The following ARSB variants were observed in gnomAD, a reference collection of about 807,000 sequenced individuals.
ARSB encodes N-acetylgalactosamine-4-sulfatase.
In ARSB, 41 loss-of-function variants were observed where a neutral mutation model predicts 50.9. The observed-to-expected ratio is 0.81, with a 90% CI of 0.63 to 1.04. ARSB has a LOEUF of 1.04. ARSB is among the 50% of genes least tolerant of loss of function. ARSB has a pLI of 0.00. For missense variants in ARSB, 672 were observed against 693.3 expected (o/e 0.97, Z 0.35); for synonymous variants, 269 against 284.8 (o/e 0.94, Z 0.56).
At chr5:78,826,052 T>TC (rs1010603921) in intron 6 of ARSB, among the ~76,000 whole-genome samples, 2 of 143,316 alleles carry the variant, frequency 1.4e-5, no homozygotes, top group Non-Finnish European at 3.1e-5. Context: ...CCTTTTTCTT[T>TC]CTTTTTTTTT....
chr5:78,867,099 G>A lies in ARSB; in HGVS notation c.1142+18485C>T, dbSNP rs552792811. ...CGGGTCACTCCCACCCGAATATTGCGCTTTTCAGACTGGCTTAAAAAACGG... is the reference window on the plus strand; with the variant it reads ...CGGGTCACTCCCACCCGAATATTGCACTTTTCAGACTGGCTTAAAAAACGG... On this transcript the variant is annotated intron_variant, in intron 5 of 7. Coordinates refer to ENST00000264914, the MANE Select transcript of ARSB (RefSeq NM_000046.5). 6.4e-4 allele frequency among the ~76,000 whole-genome samples: 97 copies of A among 152,238 alleles called. 1 individual carries two copies. The highest frequency in any genetic ancestry group is 3.7e-3 in the South Asian group (18 of 4,814).
At chr5:78,977,609 A>G (rs1018762907) in intron 1 of ARSB, among the ~76,000 whole-genome samples, 1 of 152,232 alleles carries the variant, frequency 6.6e-6, no homozygotes, top group Non-Finnish European at 1.5e-5. Flanking sequence ...TATCACACTT[A>G]ATGGTGATCG....
intron 6 of ARSB, among the ~76,000 whole-genome samples, chr5:78,797,974 CA>C (rs1743240823): frequency 6.6e-6 from 1 of 152,050 alleles, no homozygotes; most frequent in Non-Finnish European, 1.5e-5. Flanking sequence ...CCTCAGAAGC[CA>C]GGGGAAATAC....
chr5:78,852,096 T>C (rs541788448), intron 5 of ARSB, among the ~76,000 whole-genome samples: 1 of 152,358 alleles, frequency 6.6e-6, no homozygotes, highest in East Asian at 1.9e-4. Flanking sequence ...AATTTGATCT[T>C]GTCATTATGA....
intron 3 of ARSB, among the ~76,000 whole-genome samples, chr5:78,960,312 G>A (rs1327021759): frequency 6.6e-6 from 1 of 151,978 alleles, no homozygotes; most frequent in Non-Finnish European, 1.5e-5. Flanking sequence ...TTATTTCAGT[G>A]AGGAAGAAAG....
At chr5:78,934,921 T>G (rs1020338121) in intron 4 of ARSB, among the ~76,000 whole-genome samples, 1 of 152,104 alleles carries the variant, frequency 6.6e-6, no homozygotes, top group Non-Finnish European at 1.5e-5. Flanking sequence ...ACATGGCAAA[T>G]AGATTATATA....
chr5:78,946,497 G>A (rs188974467), intron 4 of ARSB, among the ~76,000 whole-genome samples: 4 of 152,204 alleles, frequency 2.6e-5, no homozygotes, highest in Admixed American at 2.6e-4. Context: ...AATCAAGAAA[G>A]TTATCCCTTT....
chr5:78,906,279 G>A (rs1292784933), intron 4 of ARSB, among the ~76,000 whole-genome samples: 2 of 152,142 alleles, frequency 1.3e-5, no homozygotes, highest in Non-Finnish European at 2.9e-5. Context: ...GCTGCAGTGA[G>A]CTATGGTTAC....
Position 78,781,938 on chromosome 5 carries a change from G to C in ARSB, c.1250C>G (p.Ser417Cys). Residue 417 changes from serine to cysteine, a missense_variant, in exon 7 of 8, where the codon TCT becomes TGT. By Grantham distance (112) the Ser-to-Cys change is moderately radical. Coordinates refer to ENST00000264914, the MANE Select transcript of ARSB (RefSeq NM_000046.5). ...RNSMAPAKDD[S>C]SLPEYSAFNT... is the part of the protein sequence containing the mutation. ...AAAGGCTGAATATTCTGGAAGAGAAGAGTCATCCTTTGCTGGAGCCATGCT... is the reference window on the plus strand; with the variant it reads ...AAAGGCTGAATATTCTGGAAGAGAACAGTCATCCTTTGCTGGAGCCATGCT... 4 of 1,614,104 alleles carry C rather than the reference G, an allele frequency of 2.5e-6. No homozygotes were observed. The highest frequency in any genetic ancestry group is 3.4e-6 in the Non-Finnish European group (4 of 1,179,962).
chr5:78,869,454 AC>A (rs1337962870), intron 5 of ARSB, among the ~76,000 whole-genome samples: 1 of 127,358 alleles, frequency 7.9e-6, no homozygotes, highest in African/African-American at 3.0e-5. Context: ...AGAAATTATA[AC>A]AAACTATCTC....
At chr5:78,951,706 C>A (rs1235146619) in intron 4 of ARSB, among the ~76,000 whole-genome samples, 1 of 152,122 alleles carries the variant, frequency 6.6e-6, no homozygotes, top group African/African-American at 2.4e-5. Context: ...AATTTCAAAA[C>A]ATTTTAAAGA....
At chr5:78,900,907 C>T (rs1452425518) in intron 4 of ARSB, among the ~76,000 whole-genome samples, 2 of 151,962 alleles carry the variant, frequency 1.3e-5, no homozygotes, top group East Asian at 1.9e-4. Flanking sequence ...GGCATGGTAG[C>T]GGGCGCCTGT....
At chr5:78,920,361 T>C (rs904573011) in intron 4 of ARSB, among the ~76,000 whole-genome samples, 3 of 152,144 alleles carry the variant, frequency 2.0e-5, no homozygotes, top group African/African-American at 7.2e-5. Context: ...CTGAGCAACA[T>C]AGCAAGACTG....
intron 5 of ARSB, among the ~76,000 whole-genome samples, chr5:78,867,431 G>C (rs1485370725): frequency 6.6e-6 from 1 of 152,222 alleles, no homozygotes; most frequent in Non-Finnish European, 1.5e-5. Flanking sequence ...TGACAGCCTT[G>C]AAGAGAGCAG....
intron 6 of ARSB, among the ~76,000 whole-genome samples, chr5:78,800,336 A>AAAGC (rs1554071192): frequency 2.2e-3 from 313 of 143,782 alleles, no homozygotes; most frequent in African/African-American, 4.1e-3. Flanking sequence ...AAAAAAAAAA[A>AAAGC]AGCAGCAGCA....
chr5:78,857,809 G>A (rs993959103), intron 5 of ARSB, among the ~76,000 whole-genome samples: 4 of 152,104 alleles, frequency 2.6e-5, no homozygotes, highest in East Asian at 3.8e-4. Context: ...CCTCTAAACC[G>A]GTGAAGTTGG....
At chr5:78,822,348 A>C (rs1264070465) in intron 6 of ARSB, among the ~76,000 whole-genome samples, 1 of 152,184 alleles carries the variant, frequency 6.6e-6, no homozygotes, top group East Asian at 1.9e-4. Context: ...AAGGCAGTAC[A>C]CAGATTTATA....
intron 3 of ARSB, among the ~76,000 whole-genome samples, chr5:78,962,215 T>A (rs1051468555): frequency 2.0e-5 from 3 of 152,192 alleles, no homozygotes; most frequent in African/African-American, 7.2e-5. Context: ...CAAAGAATAA[T>A]ACACAGTTCT....
chr5:78,853,563 T>C (rs1745965646), intron 5 of ARSB, among the ~76,000 whole-genome samples: 1 of 152,250 alleles, frequency 6.6e-6, no homozygotes, highest in Admixed American at 6.5e-5. Flanking sequence ...AGCTGCGTGC[T>C]GGGAGAACCA....
Sources: allele counts gnomAD v4.1 joint callset (sites outside exome capture counted in the v4.1 genomes callset), GRCh38; gene constraint gnomAD v4.1.1; transcripts MANE v1.5; gene names NCBI Gene and HGNC (gene_info 2026-07-23, HGNC 2026-07-21).